Variants in KCNAB1 observed in about 807,000 individuals in gnomAD.
The protein encoded by KCNAB1 is potassium voltage-gated channel subfamily A regulatory beta subunit 1.
KCNAB1 carries 35 observed loss-of-function variants against 64.6 expected under a neutral mutation model. The observed-to-expected ratio is 0.54, with a 90% CI of 0.41 to 0.72. The LOEUF is 0.72. KCNAB1 is among the 30% of genes least tolerant of loss of function. The probability of loss-of-function intolerance (pLI) is 0.00; values close to 1 mark genes in which losing one functional copy is unlikely to be tolerated. For missense variants in KCNAB1, 401 were observed against 512.9 expected, an observed-to-expected ratio of 0.78 and a Z score of 2.11; for synonymous variants, 177 against 183.8, an observed-to-expected ratio of 0.96 and a Z score of 0.30.
At chr3:156,363,607 C>A (rs1725753330) in intron 1 of KCNAB1, among the ~76,000 whole-genome samples, 1 of 152,080 alleles carries the variant, frequency 6.6e-6, no homozygotes, top group South Asian at 2.1e-4. Context: ...TCCTGAGTAG[C>A]TGGGATTACA....
At chr3:156,171,188 CACACAT>C (rs1198476097) in intron 1 of KCNAB1, among the ~76,000 whole-genome samples, 98 of 26,542 alleles carry the variant, frequency 3.7e-3, no homozygotes, top group East Asian at 0.016. Flanking sequence ...AAACTTCACG[CACACAT>C]ACACACACAC....
rs148715405 is a variant in KCNAB1 at position 156,194,730 on chromosome 3, C to A, written c.275+73844C>A. ...CATATATTAAGCTACTTGAATTATC[C>A]AACACCTCGCTTATGCTCTGTGCAT... is the stretch of plus-strand genomic sequence containing the variant. On this transcript the variant is annotated intron_variant, in intron 1 of 13. Coordinates refer to ENST00000490337, the MANE Select transcript of KCNAB1 (RefSeq NM_172160.3). Among the ~76,000 whole-genome samples, 201 of 152,190 alleles carry A rather than the reference C, an allele frequency of 1.3e-3. No individual in the cohort carries two copies. In the South Asian group the frequency reaches 0.016, roughly 12 times the overall value.
chr3:156,527,098 C>T (rs1451841467), intron 12 of KCNAB1, among the ~76,000 whole-genome samples: 1 of 152,076 alleles, frequency 6.6e-6, no homozygotes, highest in Non-Finnish European at 1.5e-5. Flanking sequence ...ATGCCATGTA[C>T]CGTAGTATAT....
At chr3:156,422,240 T>C (rs1243944970) in intron 2 of KCNAB1, among the ~76,000 whole-genome samples, 1 of 152,208 alleles carries the variant, frequency 6.6e-6, no homozygotes, top group Non-Finnish European at 1.5e-5. Context: ...TAAAGATGAA[T>C]CTGAAGTCGT....
chr3:156,495,122 A>G (rs998402024), intron 8 of KCNAB1, among the ~76,000 whole-genome samples: 1 of 151,978 alleles, frequency 6.6e-6, no homozygotes, highest in Non-Finnish European at 1.5e-5. Flanking sequence ...AACACATGGT[A>G]TTTGGTTTTC....
chr3:156,501,691 C>T (rs968267125), intron 8 of KCNAB1, among the ~76,000 whole-genome samples: 1 of 152,090 alleles, frequency 6.6e-6, no homozygotes, highest in South Asian at 2.1e-4. Flanking sequence ...CTCAGCCTCC[C>T]AAAGTGCAGG....
At chr3:156,197,655 A>C (rs931860002) in intron 1 of KCNAB1, among the ~76,000 whole-genome samples, 1 of 151,992 alleles carries the variant, frequency 6.6e-6, no homozygotes, top group Non-Finnish European at 1.5e-5. Flanking sequence ...CCCCTTTATC[A>C]TTTTTTATTG....
intron 1 of KCNAB1, among the ~76,000 whole-genome samples, chr3:156,248,597 T>C (rs1717613405): frequency 6.6e-6 from 1 of 151,678 alleles, no homozygotes; most frequent in Non-Finnish European, 1.5e-5. Flanking sequence ...CTCTCTGGGG[T>C]TGAGAAGAGA....
At chr3:156,157,196 C>G (rs2108302849) in intron 1 of KCNAB1, among the ~76,000 whole-genome samples, 1 of 152,276 alleles carries the variant, frequency 6.6e-6, no homozygotes, top group East Asian at 1.9e-4. Flanking sequence ...CTACACAGCA[C>G]TATGCTTGAA....
chr3:156,525,212 A>G (rs1003496813), intron 12 of KCNAB1, among the ~76,000 whole-genome samples: 1 of 152,174 alleles, frequency 6.6e-6, no homozygotes, highest in African/African-American at 2.4e-5. Context: ...GTATTCCCCA[A>G]AGAGGAATTA....
At chr3:156,178,427 A>G (rs1008375632) in intron 1 of KCNAB1, among the ~76,000 whole-genome samples, 4 of 152,222 alleles carry the variant, frequency 2.6e-5, no homozygotes, top group African/African-American at 9.6e-5. Context: ...TAGTGGGGAA[A>G]AGAGAAGATG....
At chr3:156,449,041 G>A (rs10428233) in intron 2 of KCNAB1, among the ~76,000 whole-genome samples, 13,102 of 151,972 alleles carry the variant, frequency 0.086, 736 homozygotes, top group African/African-American at 0.16. Context: ...GGGCCAGGGA[G>A]GTAGTCATCA....
chr3:156,266,189 C>G (rs1291028733), intron 1 of KCNAB1, among the ~76,000 whole-genome samples: 1 of 151,486 alleles, frequency 6.6e-6, no homozygotes, highest in Non-Finnish European at 1.5e-5. Context: ...TCATTCCTAC[C>G]CCTCTGCCAA....
At chr3:156,172,868 A>G (rs1340742020) in intron 1 of KCNAB1, among the ~76,000 whole-genome samples, 1 of 152,190 alleles carries the variant, frequency 6.6e-6, no homozygotes, top group Non-Finnish European at 1.5e-5. Context: ...AATGCCTTTT[A>G]AGCTAGAGCA....
At chr3:156,178,825 C>T (rs1323878091) in intron 1 of KCNAB1, among the ~76,000 whole-genome samples, 2 of 151,676 alleles carry the variant, frequency 1.3e-5, no homozygotes, top group African/African-American at 4.8e-5. Context: ...CACGGTGAAA[C>T]CCCGTTTCTA....
In KCNAB1 at chr3:156,476,318, C is replaced by A. The variant is rs145805554; in HGVS notation, c.658+1498C>A. Reference sequence around the variant, plus strand: ...TCCTCTCCCACTCTTCCCCCCAAGTCCCCAAAGTCCACTGTAGCATGCTTA... The same window carrying A: ...TCCTCTCCCACTCTTCCCCCCAAGTACCCAAAGTCCACTGTAGCATGCTTA... On this transcript the variant is annotated intron_variant, in intron 8 of 13. Transcript: ENST00000490337. Among the ~76,000 whole-genome samples, 69 of 152,110 alleles carry A rather than the reference C, an allele frequency of 4.5e-4. No individual in the cohort carries two copies. The East Asian group carries it at 0.012, about 27-fold the overall frequency.
At chr3:156,483,791 G>T (rs1442662066) in intron 8 of KCNAB1, among the ~76,000 whole-genome samples, 1 of 152,120 alleles carries the variant, frequency 6.6e-6, no homozygotes. Flanking sequence ...GGCCCACAAA[G>T]TTCTGACTGT....
At chr3:156,207,342 G>A (rs904186129) in intron 1 of KCNAB1, among the ~76,000 whole-genome samples, 1 of 152,132 alleles carries the variant, frequency 6.6e-6, no homozygotes, top group African/African-American at 2.4e-5. Flanking sequence ...CTTGACCAGA[G>A]GTAGTTTAGT....
chr3:156,533,000 A>C (rs1718807257), intron 13 of KCNAB1, among the ~76,000 whole-genome samples: 1 of 152,208 alleles, frequency 6.6e-6, no homozygotes, highest in Non-Finnish European at 1.5e-5. Flanking sequence ...AGAAACAGTG[A>C]ATTAAAATAT....
Sources: allele counts gnomAD v4.1 joint callset (sites outside exome capture counted in the v4.1 genomes callset), GRCh38; gene constraint gnomAD v4.1.1; transcripts MANE v1.5; gene names NCBI Gene and HGNC (gene_info 2026-07-23, HGNC 2026-07-21).